RPN2: variants seen among roughly 807,000 people sequenced by gnomAD.
RPN2 encodes ribophorin II, also known as dolichyl-diphosphooligosaccharide--protein glycosyltransferase subunit 2.
In RPN2, 29 loss-of-function variants were observed where a neutral mutation model predicts 71.4. The ratio of observed to expected loss-of-function variants is 0.41; its 90% CI spans 0.30 to 0.55. The LOEUF is 0.55. RPN2 is among the 20% of genes least tolerant of loss of function. The pLI, the probability that RPN2 is intolerant of heterozygous loss-of-function variation, is 0.35. For missense variants in RPN2, 726 were observed against 774.1 expected, an observed-to-expected ratio of 0.94 and a Z score of 0.74; for synonymous variants, 308 against 305.0, an observed-to-expected ratio of 1.01 and a Z score of -0.10.
chr20:37,201,501 C>A (rs537758938), intron 4 of RPN2, among the ~76,000 whole-genome samples: 1 of 152,126 alleles, frequency 6.6e-6, no homozygotes, highest in East Asian at 1.9e-4. Flanking sequence ...CTGTACCCAA[C>A]GGAGTTAATA....
chr20:37,200,871 C>T (rs1349328775), intron 4 of RPN2, among the ~76,000 whole-genome samples: 1 of 152,024 alleles, frequency 6.6e-6, no homozygotes, highest in Non-Finnish European at 1.5e-5. Context: ...ATGCTACCTT[C>T]TACAAAAAAA....
chr20:37,236,679 A>G lies in RPN2; in HGVS notation c.1853A>G (p.Asn618Ser), dbSNP rs763424195. ...ILGSVTFLAGNRMLAQQAVKR... is the reference protein window; with the variant it reads ...ILGSVTFLAGSRMLAQQAVKR... Reference sequence around the variant, plus strand: ...GGCAGTGTGACGTTTCTGGCTGGCAATCGGATGCTGGCCCAGCAGGCAGTC... The same window carrying G: ...GGCAGTGTGACGTTTCTGGCTGGCAGTCGGATGCTGGCCCAGCAGGCAGTC... Residue 618 changes from asparagine (N) to serine (S), a missense_variant, in exon 16 of 17, where the codon AAT becomes AGT. By Grantham distance (46) the Asn-to-Ser change is conservative. Coordinates refer to ENST00000237530, the MANE Select transcript of RPN2 (RefSeq NM_002951.5). 3.7e-6 allele frequency: 6 copies of G among 1,614,136 alleles called. No homozygotes were observed. Among genetic ancestry groups the G allele is most frequent in the South Asian group, 1.1e-5 (1 of 91,082 alleles).
intron 9 of RPN2, among the ~76,000 whole-genome samples, chr20:37,214,375 T>C (rs1195707620): frequency 6.6e-6 from 1 of 152,226 alleles, no homozygotes; most frequent in Non-Finnish European, 1.5e-5. Flanking sequence ...GGGTTGAAGA[T>C]CGAAGTAGCT....
chr20:37,225,619 T>G (rs1284806417), intron 10 of RPN2, 69 bp from the exon 11 acceptor site: 2 of 990,720 alleles, frequency 2.0e-6, no homozygotes, highest in Non-Finnish European at 3.3e-6. Flanking sequence ...AAGTGAAGTA[T>G]ATATTTTCTG....
At chr20:37,229,791 A>G (rs2068188095) in intron 12 of RPN2, 182 bp from the exon 13 acceptor site, 2 of 648,046 alleles carry the variant, frequency 3.1e-6, no homozygotes, top group African/African-American at 3.6e-5. Flanking sequence ...TTTTCAGCAA[A>G]TACTTGTTTT....
At chr20:37,201,851 C>G (rs1405047319) in intron 4 of RPN2, among the ~76,000 whole-genome samples, 1 of 152,112 alleles carries the variant, frequency 6.6e-6, no homozygotes, top group African/African-American at 2.4e-5. Context: ...GTAAACTTGT[C>G]TTGAATGGAA....
chr20:37,187,109 A>G (rs2067023919), intron 2 of RPN2, among the ~76,000 whole-genome samples: 1 of 152,176 alleles, frequency 6.6e-6, no homozygotes, highest in Admixed American at 6.5e-5. Flanking sequence ...AATAGTATAT[A>G]GTAGGGATTT....
chr20:37,189,432 C>G lies in RPN2; in HGVS notation c.207+5059C>G, dbSNP rs144751075. Reference sequence around the variant, plus strand: ...ACTGTAGAGTTAAATAGTTACTAGACTGGCCAGAAAGCCTAAAGTATTTAC... The same window carrying G: ...ACTGTAGAGTTAAATAGTTACTAGAGTGGCCAGAAAGCCTAAAGTATTTAC... On this transcript the variant is annotated intron_variant, in intron 2 of 16. Coordinates refer to ENST00000237530, the MANE Select transcript of RPN2 (RefSeq NM_002951.5). Among the ~76,000 whole-genome samples the G allele has an allele frequency of 9.4e-3, 1,432 of 151,870 alleles. 13 individuals are homozygous for G. The highest frequency in any genetic ancestry group is 0.017 in the Middle Eastern group (5 of 294).
chr20:37,224,927 C>T (rs1201336465), intron 10 of RPN2, among the ~76,000 whole-genome samples: 1 of 152,212 alleles, frequency 6.6e-6, no homozygotes, highest in East Asian at 1.9e-4. Flanking sequence ...TAAGAATCCA[C>T]TGAAGAAATG....
intron 7 of RPN2, among the ~76,000 whole-genome samples, chr20:37,208,940 C>T (rs1220092417): frequency 6.6e-6 from 1 of 152,212 alleles, no homozygotes; most frequent in Non-Finnish European, 1.5e-5. Context: ...TTTCTCCCTA[C>T]ATACAACTCA....
chr20:37,226,622 G>A (rs979842697), intron 11 of RPN2, among the ~76,000 whole-genome samples: 1 of 152,146 alleles, frequency 6.6e-6, no homozygotes, highest in African/African-American at 2.4e-5. Flanking sequence ...TTTTGTATTT[G>A]TGGGACTCTG....
intron 2 of RPN2, 119 bp downstream of exon 2, chr20:37,184,492 T>C: frequency 1.1e-6 from 1 of 945,518 alleles, no homozygotes; most frequent in African/African-American, 1.6e-5. Context: ...CCAAGGTTAA[T>C]CCAATATAAG....
chr20:37,208,708 C>T (rs562078413), intron 7 of RPN2, among the ~76,000 whole-genome samples: 1 of 152,350 alleles, frequency 6.6e-6, no homozygotes, highest in South Asian at 2.1e-4. Context: ...AGCACATGCA[C>T]AGATCTTGAA....
At chr20:37,204,389 G>A (rs2067464344) in intron 5 of RPN2, among the ~76,000 whole-genome samples, 1 of 152,158 alleles carries the variant, frequency 6.6e-6, no homozygotes, top group Admixed American at 6.5e-5. Context: ...TGCTTTGTAG[G>A]TTGTATTCAA....
In RPN2 at chr20:37,207,447, C is replaced by A. The variant is rs758988674; in HGVS notation, c.865C>A (p.Arg289=). The A allele has an allele frequency of 3.1e-6, 5 of 1,613,898 alleles. No individual in the cohort carries two copies. The highest frequency in any genetic ancestry group is 3.4e-6 in the Non-Finnish European group (4 of 1,179,788). ...CGACACTCATGAACAGGCTATCTTG[C>A]GGGTAAGACATCCATGCCCAAAGTG... ...ASDTHEQAIL[R]LQVTNVLSQP... is the part of the protein sequence containing the mutation. The change falls in exon 7 of 17, where the codon CGG becomes AGG. Residue 289 remains arginine, a splice_region_variant and synonymous_variant. Transcript: ENST00000237530.
chr20:37,202,462 A>T (rs2067414346), intron 4 of RPN2, among the ~76,000 whole-genome samples: 1 of 152,182 alleles, frequency 6.6e-6, no homozygotes, highest in Admixed American at 6.5e-5. Context: ...TTGACTTGAT[A>T]AGTGGTGGTT....
At chr20:37,183,514 C>T (rs954363720) in intron 1 of RPN2, among the ~76,000 whole-genome samples, 1 of 152,238 alleles carries the variant, frequency 6.6e-6, no homozygotes, top group African/African-American at 2.4e-5. Context: ...TGTATTAACT[C>T]GTGTAATTGT....
At chr20:37,190,252 TCA>T (rs1441393044) in intron 2 of RPN2, among the ~76,000 whole-genome samples, 1 of 152,226 alleles carries the variant, frequency 6.6e-6, no homozygotes, top group Admixed American at 6.5e-5. Flanking sequence ...TCTGCCATCA[TCA>T]CAAGTTTGCG....
rs576519027 is a variant in RPN2 at position 37,190,179 on chromosome 20, T to C, written c.207+5806T>C. 2.6e-5 allele frequency among the ~76,000 whole-genome samples: 4 copies of C among 152,250 alleles called. 1 individual carries two copies. Among genetic ancestry groups the C allele is most frequent in the African/African-American group, 9.6e-5 (4 of 41,542 alleles). On this transcript the variant is annotated intron_variant, in intron 2 of 16. Transcript: ENST00000237530. ...ACTTCATCCAGAGCATGTCTTTTGATCTGTGTCGTGATTTGGAGTTCTATA... is the reference window on the plus strand; with the variant it reads ...ACTTCATCCAGAGCATGTCTTTTGACCTGTGTCGTGATTTGGAGTTCTATA...
Sources: allele counts gnomAD v4.1 joint callset (sites outside exome capture counted in the v4.1 genomes callset), GRCh38; gene constraint gnomAD v4.1.1; transcripts MANE v1.5; gene names NCBI Gene and HGNC (gene_info 2026-07-23, HGNC 2026-07-21).